Variants in HGSNAT observed in about 807,000 individuals in gnomAD.
HGSNAT encodes transmembrane protein 76.
In HGSNAT, 59 loss-of-function variants were observed where a neutral mutation model predicts 85.2. The ratio of observed to expected loss-of-function variants is 0.69; its 90% CI spans 0.56 to 0.86. HGSNAT has a LOEUF of 0.86. Among genes scored for constraint, HGSNAT ranks in the 40% least tolerant of loss-of-function variants. The pLI, the probability that HGSNAT is intolerant of heterozygous loss-of-function variation, is 0.00. For missense variants in HGSNAT, 756 were observed against 777.1 expected, an observed-to-expected ratio of 0.97 and a Z score of 0.32; for synonymous variants, 321 against 304.5, an observed-to-expected ratio of 1.05 and a Z score of -0.56.
In HGSNAT at chr8:43,158,706, T is replaced by G. The variant is rs1803172362; in HGVS notation, c.366T>G (p.Val122=). Residue 122 remains valine (V), a synonymous_variant, in exon 3 of 18, where the codon GTT becomes GTG. Coordinates refer to ENST00000379644, the MANE Select transcript of HGSNAT (RefSeq NM_152419.3). ...QLNDTLEEKE[V]CRLEYRFGEF... ...ACGACACCTTGGAAGAGAAAGAAGT[T>G]TGTAGGTTTGTGCCTGCTTTGTTGT... 1 of 1,601,034 alleles carries G rather than the reference T, an allele frequency of 6.2e-7. No individual in the cohort carries two copies. Among genetic ancestry groups the G allele is most frequent in the Non-Finnish European group, 8.5e-7 (1 of 1,173,210 alleles).
At chr8:43,191,352 T>A in intron 11 of HGSNAT, 122 bp from the exon 12 acceptor site, 1 of 1,224,072 alleles carries the variant, frequency 8.2e-7, no homozygotes, top group Non-Finnish European at 1.2e-6. Context: ...AGTCAGTAAG[T>A]TTTTGTATTA....
At chr8:43,184,578 C>T (rs1046449621) in intron 11 of HGSNAT, among the ~76,000 whole-genome samples, 48 of 152,298 alleles carry the variant, frequency 3.2e-4, no homozygotes, top group Middle Eastern at 3.4e-3. Flanking sequence ...TTCTCCCATT[C>T]TGTAGGTTGC....
chr8:43,147,772 G>C (rs1469952856), intron 2 of HGSNAT, among the ~76,000 whole-genome samples: 1 of 152,122 alleles, frequency 6.6e-6, no homozygotes, highest in African/African-American at 2.4e-5. Context: ...AAGCAGTACT[G>C]AAAAACTTGG....
intron 2 of HGSNAT, 56 bp from the exon 3 acceptor site, chr8:43,158,519 A>C: frequency 6.3e-7 from 1 of 1,594,110 alleles, no homozygotes; most frequent in South Asian, 1.1e-5. Context: ...GTCCTCCAGC[A>C]ATCAACAGAT....
rs781546106 is a variant in HGSNAT at position 43,192,444 on chromosome 8, G to A, written c.1377+14G>A. 7 of 1,599,682 alleles carry A rather than the reference G, an allele frequency of 4.4e-6. No individual in the cohort carries two copies. The African/African-American group carries it at 6.7e-5, about 15-fold the overall frequency. The stretch of plus-strand genomic sequence containing the variant: ...CCATCTTCTGCTGTGAGTGAGACTC[G>A]AGTTCGCTTAGAACTGGAACTCAGG... On this transcript the variant is annotated intron_variant, in intron 13 of 17. Coordinates refer to ENST00000379644, the MANE Select transcript of HGSNAT (RefSeq NM_152419.3).
At chr8:43,158,735 C>A in intron 3 of HGSNAT, 24 bp downstream of exon 3, 3 of 1,565,616 alleles carry the variant, frequency 1.9e-6, no homozygotes, top group South Asian at 2.4e-5. Flanking sequence ...TTGTTGTGAT[C>A]TAAGTGAAGT....
intron 2 of HGSNAT, among the ~76,000 whole-genome samples, chr8:43,157,378 T>G (rs1803124640): frequency 6.6e-6 from 1 of 152,210 alleles, no homozygotes; most frequent in Admixed American, 6.5e-5. Flanking sequence ...TTTGATTTAT[T>G]TAACTAATAT....
intron 1 of HGSNAT, among the ~76,000 whole-genome samples, chr8:43,145,887 T>C (rs1563353362): frequency 1.3e-5 from 2 of 152,184 alleles, no homozygotes. Context: ...TTCCTCATTG[T>C]GTTATTAAGT....
intron 11 of HGSNAT, 190 bp downstream of exon 11, chr8:43,182,450 CTTG>C (rs755196005): frequency 6.1e-5 from 39 of 634,492 alleles, no homozygotes; most frequent in South Asian, 6.0e-4. Context: ...AAACTGTGTT[CTTG>C]TTGTTGTTGA....
At chr8:43,185,319 G>A (rs1197269032) in intron 11 of HGSNAT, among the ~76,000 whole-genome samples, 2 of 152,186 alleles carry the variant, frequency 1.3e-5, no homozygotes, top group Non-Finnish European at 2.9e-5. Flanking sequence ...TTGTTGAGCA[G>A]TGGTTTGTAG....
At chr8:43,174,033 T>C (rs1803725845) in intron 9 of HGSNAT, 2 of 222,356 alleles carry the variant, frequency 9.0e-6, no homozygotes, top group South Asian at 8.3e-5. Flanking sequence ...CTGGCCAACA[T>C]GGTGAAACTC....
At chr8:43,150,425 G>A (rs1563356332) in intron 2 of HGSNAT, among the ~76,000 whole-genome samples, 1 of 151,246 alleles carries the variant, frequency 6.6e-6, no homozygotes, top group Non-Finnish European at 1.5e-5. Context: ...AGGAGTTTGA[G>A]ACCAGCTGGG....
At chr8:43,158,095 T>G (rs1274224278) in intron 2 of HGSNAT, among the ~76,000 whole-genome samples, 4 of 152,158 alleles carry the variant, frequency 2.6e-5, no homozygotes, top group Non-Finnish European at 5.9e-5. Context: ...CAGTGATTTT[T>G]TTTTTGTTTT....
intron 2 of HGSNAT, 97 bp from the exon 3 acceptor site, chr8:43,158,478 G>A: frequency 1.6e-6 from 2 of 1,270,462 alleles, no homozygotes; most frequent in East Asian, 2.3e-5. Context: ...TGAAGGAAAA[G>A]TCATGTCAGG....
At chr8:43,183,823 C>T (rs1804216804) in intron 11 of HGSNAT, among the ~76,000 whole-genome samples, 2 of 152,048 alleles carry the variant, frequency 1.3e-5, no homozygotes, top group South Asian at 4.2e-4. Context: ...GTGTGATGTT[C>T]CCCACCCTGT....
At chr8:43,187,407 T>C (rs947459477) in intron 11 of HGSNAT, among the ~76,000 whole-genome samples, 9 of 152,364 alleles carry the variant, frequency 5.9e-5, no homozygotes, top group African/African-American at 2.2e-4. Flanking sequence ...TGGCCTTCTT[T>C]GTCTCTTTTG....
At chr8:43,192,779 C>CA (rs757604402) in intron 13 of HGSNAT, among the ~76,000 whole-genome samples, 9 of 146,018 alleles carry the variant, frequency 6.2e-5, no homozygotes, top group South Asian at 2.2e-4. Flanking sequence ...AAACAAAAAA[C>CA]AAAAAAAAAA....
chr8:43,191,624 G>T (rs1475503209), intron 12 of HGSNAT, 29 bp downstream of exon 12: 1 of 1,609,832 alleles, frequency 6.2e-7, no homozygotes, highest in South Asian at 1.1e-5. Context: ...GTCATCCCTT[G>T]TGCATGTCCT....
intron 1 of HGSNAT, among the ~76,000 whole-genome samples, chr8:43,141,189 A>G (rs908769111): frequency 6.6e-6 from 1 of 152,034 alleles, no homozygotes; most frequent in African/African-American, 2.4e-5. Flanking sequence ...CGGGTGAGGA[A>G]CCGCGGAGAA....
Sources: allele counts gnomAD v4.1 joint callset (sites outside exome capture counted in the v4.1 genomes callset), GRCh38; gene constraint gnomAD v4.1.1; transcripts MANE v1.5; gene names NCBI Gene and HGNC (gene_info 2026-07-23, HGNC 2026-07-21).